UIMC1: variants seen among roughly 807,000 people sequenced by gnomAD.
UIMC1 encodes ubiquitin interaction motif containing 1, also known as BRCA1-A complex subunit RAP80.
In UIMC1, 42 loss-of-function variants were observed where a neutral mutation model predicts 84.9. The observed-to-expected ratio is 0.49, with a 90% CI of 0.39 to 0.64. The LOEUF (loss-of-function observed/expected upper bound fraction) is 0.64, where lower values mean the gene tolerates loss of function less well. Ranked by LOEUF, UIMC1 falls within the 30% of genes least tolerant of loss-of-function variation. The pLI is 0.00. For synonymous variants in UIMC1, 281 were observed against 293.0 expected (o/e 0.96, Z 0.42); for missense variants, 825 against 847.6 (o/e 0.97, Z 0.33).
chr5:176,922,930 A>AG (rs926183102), intron 10 of UIMC1, among the ~76,000 whole-genome samples: 58 of 152,314 alleles, frequency 3.8e-4, no homozygotes, highest in African/African-American at 1.2e-3. Context: ...TTGAGTAGGC[A>AG]GGGGGCCTCT....
At chr5:176,952,941 C>A (rs375366757) in intron 8 of UIMC1, among the ~76,000 whole-genome samples, 2 of 152,152 alleles carry the variant, frequency 1.3e-5, no homozygotes. Flanking sequence ...GTGTACCCCC[C>A]GAACTTCGTA....
At chr5:176,938,189 CAAAAAAAAAAAAAA>C (rs1170386962) in intron 10 of UIMC1, among the ~76,000 whole-genome samples, 4 of 56,338 alleles carry the variant, frequency 7.1e-5, no homozygotes, top group Non-Finnish European at 9.3e-5. Flanking sequence ...GACCCTGTCT[CAAAAAAAAAAAAAA>C]AAAAAAAAAG....
chr5:176,905,664 A>G, intron 14 of UIMC1, 172 bp from the exon 15 acceptor site: 1 of 684,396 alleles, frequency 1.5e-6, no homozygotes, highest in Non-Finnish European at 2.4e-6. Flanking sequence ...TCACTGGGTA[A>G]ATCATATACT....
chr5:176,953,495 T>TACACACACACACACACAC (rs137955830), intron 8 of UIMC1, among the ~76,000 whole-genome samples: 1,759 of 136,942 alleles, frequency 0.013, 41 homozygotes, highest in African/African-American at 0.037. Context: ...ACTGGACACA[T>TACACACACACACACACAC]ACACACACAC....
intron 11 of UIMC1, among the ~76,000 whole-genome samples, 181 bp downstream of exon 11, chr5:176,911,130 G>T (rs1760117643): frequency 1.5e-5 from 1 of 66,210 alleles, no homozygotes; most frequent in African/African-American, 7.6e-5. Context: ...GAAAAGAAAA[G>T]AAAAGAAAAG....
intron 1 of UIMC1, among the ~76,000 whole-genome samples, chr5:176,994,727 G>A (rs748776061): frequency 1.8e-4 from 27 of 152,032 alleles, no homozygotes; most frequent in African/African-American, 9.7e-5. Context: ...TGAATGGTGC[G>A]GTGGGAATGT....
upstream of UIMC1, among the ~76,000 whole-genome samples, chr5:177,009,895 C>T (rs749372764): frequency 5.3e-5 from 8 of 152,122 alleles, no homozygotes; most frequent in Admixed American, 3.9e-4. The surrounding 1 kb of genome is among the most constrained non-coding windows in gnomAD (Gnocchi z 4.3). Context: ...ATTAGCTGGG[C>T]GTGGTGGCAC....
At chr5:176,910,231 A>G (rs145283584) in intron 11 of UIMC1, among the ~76,000 whole-genome samples, 12 of 152,366 alleles carry the variant, frequency 7.9e-5, no homozygotes, top group African/African-American at 2.2e-4. Context: ...GCTCAACTAA[A>G]TTAGGGAAGA....
chr5:176,909,497 T>C (rs1055773445), intron 11 of UIMC1, among the ~76,000 whole-genome samples: 2 of 152,188 alleles, frequency 1.3e-5, no homozygotes, highest in African/African-American at 4.8e-5. Context: ...TAGGTAATAA[T>C]TGTCAGAAAC....
intron 10 of UIMC1, among the ~76,000 whole-genome samples, chr5:176,923,002 G>A (rs934410056): frequency 6.6e-6 from 1 of 152,190 alleles, no homozygotes; most frequent in Non-Finnish European, 1.5e-5. Flanking sequence ...GAGTCTAACT[G>A]CCTTTGAATC....
chr5:177,006,776 G>GGGCGCA lies in UIMC1; in HGVS notation c.-136_-135insTGCGCC, dbSNP rs965653266. ...GATGCCAGAGACACGCTCTCGGGGC[G>GGGCGCA]GGCGCAGGCGCAGCGCGCGGAGACT... On this transcript the variant is annotated 5_prime_UTR_variant, in exon 1 of 15. Coordinates refer to ENST00000511320, the MANE Select transcript of UIMC1 (RefSeq NM_001199298.2). The GGGCGCA allele has an allele frequency of 6.6e-6, 1 of 152,190 alleles. No homozygotes were observed. The highest frequency in any genetic ancestry group is 2.1e-4 in the South Asian group (1 of 4,838). 9.4% of individuals were successfully genotyped at this position (152,190 alleles called of 1,614,324 possible).
intron 2 of UIMC1, among the ~76,000 whole-genome samples, chr5:176,980,510 T>C (rs1010821091): frequency 6.6e-6 from 1 of 152,182 alleles, no homozygotes; most frequent in African/African-American, 2.4e-5. Context: ...CAGAAGAAAT[T>C]ACTGCCTTCA....
chr5:177,015,016 TG>T (rs750519570), intron 1 of UIMC1, among the ~76,000 whole-genome samples: 15 of 152,206 alleles, frequency 9.9e-5, no homozygotes, highest in Non-Finnish European at 2.1e-4. Flanking sequence ...ACAGATCACC[TG>T]AGGTCAGGAG....
chr5:176,915,359 T>C (rs997536832), intron 10 of UIMC1, among the ~76,000 whole-genome samples: 1 of 152,108 alleles, frequency 6.6e-6, no homozygotes, highest in African/African-American at 2.4e-5. Context: ...GAGCTCTTGT[T>C]TTATGAGGAC....
chr5:176,989,656 C>CA (rs57582576), intron 1 of UIMC1, among the ~76,000 whole-genome samples: 2,455 of 134,604 alleles, frequency 0.018, 70 homozygotes, highest in African/African-American at 0.062. Flanking sequence ...GACCCTGCCT[C>CA]AAAAAAAAAA....
chr5:177,004,575 C>T (rs6869246), intron 1 of UIMC1, among the ~76,000 whole-genome samples: 21,575 of 152,114 alleles, frequency 0.14, 3,283 homozygotes, highest in African/African-American at 0.38. Context: ...TGGATGCCAA[C>T]AGCAGCTTCT....
chr5:177,000,546 G>A (rs1414077096), intron 1 of UIMC1, among the ~76,000 whole-genome samples: 1 of 137,146 alleles, frequency 7.3e-6, no homozygotes, highest in African/African-American at 3.2e-5. Context: ...TATTGCCCAG[G>A]CTGGAGTGCA....
At chr5:176,980,481 A>C (rs1770863604) in intron 2 of UIMC1, among the ~76,000 whole-genome samples, 1 of 152,164 alleles carries the variant, frequency 6.6e-6, no homozygotes, top group African/African-American at 2.4e-5. Flanking sequence ...GTATGCACAA[A>C]ATTTTTTTTC....
intron 8 of UIMC1, among the ~76,000 whole-genome samples, chr5:176,952,603 C>G (rs907738905): frequency 6.6e-6 from 1 of 152,228 alleles, no homozygotes; most frequent in African/African-American, 2.4e-5. Flanking sequence ...ATACGGCCCA[C>G]AGGGCCTAAA....
Sources: allele counts gnomAD v4.1 joint callset (sites outside exome capture counted in the v4.1 genomes callset), GRCh38; gene constraint gnomAD v4.1.1; non-coding constraint Gnocchi (gnomAD v3.1); transcripts MANE v1.5; gene names NCBI Gene and HGNC (gene_info 2026-07-23, HGNC 2026-07-21).